ADCY2: variants seen among roughly 807,000 people sequenced by gnomAD.
ADCY2 encodes the protein adenylate cyclase type 2.
In ADCY2, 31 loss-of-function variants were observed where a neutral mutation model predicts 125.2. The ratio of observed to expected loss-of-function variants is 0.25; its 90% CI spans 0.19 to 0.33. The LOEUF (loss-of-function observed/expected upper bound fraction) is 0.33, where lower values mean the gene tolerates loss of function less well. ADCY2 is among the 10% of genes least tolerant of loss of function. The probability of loss-of-function intolerance (pLI) is 1.00; values close to 1 mark genes in which losing one functional copy is unlikely to be tolerated. For missense variants in ADCY2, 904 were observed against 1,418.2 expected (o/e 0.64, Z 5.82); for synonymous variants, 512 against 548.4 (o/e 0.93, Z 0.93).
intron 4 of ADCY2, among the ~76,000 whole-genome samples, chr5:7,626,701 A>G (rs928281827): frequency 1.3e-5 from 2 of 152,024 alleles, no homozygotes; most frequent in African/African-American, 2.4e-5. Flanking sequence ...CTTTTGAACA[A>G]CCAACTCTCA....
intron 4 of ADCY2, among the ~76,000 whole-genome samples, chr5:7,669,050 G>A (rs937453386): frequency 3.9e-5 from 6 of 152,316 alleles, no homozygotes; most frequent in Non-Finnish European, 7.4e-5. Flanking sequence ...GGGCCTGATG[G>A]TGGGAAGCAG....
chr5:7,686,128 G>A (rs1450953422), intron 4 of ADCY2, among the ~76,000 whole-genome samples: 1 of 152,126 alleles, frequency 6.6e-6, no homozygotes, highest in African/African-American at 2.4e-5. Context: ...TTACATGCAT[G>A]GTTTATTGAA....
intron 2 of ADCY2, among the ~76,000 whole-genome samples, chr5:7,418,687 A>G (rs1321525398): frequency 2.0e-5 from 2 of 99,430 alleles, no homozygotes; most frequent in Non-Finnish European, 3.7e-5. Context: ...ACTGAATCTC[A>G]CTCTGTCACC....
chr5:7,813,685 A>G (rs1384277168), intron 22 of ADCY2, among the ~76,000 whole-genome samples: 1 of 152,182 alleles, frequency 6.6e-6, no homozygotes, highest in Non-Finnish European at 1.5e-5. Context: ...GCTAAGCCCA[A>G]ATGACTTACT....
intron 3 of ADCY2, among the ~76,000 whole-genome samples, chr5:7,607,791 C>T (rs1419501144): frequency 6.6e-6 from 1 of 152,208 alleles, no homozygotes; most frequent in Non-Finnish European, 1.5e-5. Context: ...TTGGCTGTAA[C>T]TTGTATATTA....
At chr5:7,515,812 C>T (rs1195135649) in intron 2 of ADCY2, among the ~76,000 whole-genome samples, 1 of 152,048 alleles carries the variant, frequency 6.6e-6, no homozygotes, top group Non-Finnish European at 1.5e-5. Flanking sequence ...GAATCAAGTT[C>T]CTGGTTTTGT....
intron 3 of ADCY2, among the ~76,000 whole-genome samples, chr5:7,570,225 A>G (rs1484430988): frequency 6.6e-6 from 1 of 152,164 alleles, no homozygotes; most frequent in Non-Finnish European, 1.5e-5. Flanking sequence ...AAATGAAAAC[A>G]TAGAAAATCT....
intron 2 of ADCY2, among the ~76,000 whole-genome samples, chr5:7,477,107 A>G (rs1742554523): frequency 6.6e-6 from 1 of 152,098 alleles, no homozygotes. Flanking sequence ...TCTTGTTCTT[A>G]TAGTTATATT....
chr5:7,499,687 ATATATGTG>A (rs1743492742), intron 2 of ADCY2, among the ~76,000 whole-genome samples: 5 of 142,078 alleles, frequency 3.5e-5, no homozygotes, highest in African/African-American at 1.3e-4. Context: ...ATATATGTAT[ATATATGTG>A]TATATATATG....
chr5:7,550,993 G>A (rs1735314337), intron 3 of ADCY2, among the ~76,000 whole-genome samples: 2 of 151,844 alleles, frequency 1.3e-5, no homozygotes, highest in Non-Finnish European at 2.9e-5. Flanking sequence ...CTCACAAGGA[G>A]AGCTAGGCCT....
chr5:7,671,640 G>A lies in ADCY2; in HGVS notation c.721-19051G>A, dbSNP rs944332284. On this transcript the variant is annotated intron_variant, in intron 4 of 24. Coordinates refer to ENST00000338316, the MANE Select transcript of ADCY2 (RefSeq NM_020546.3). ...GTGATGAAAAAAAAATGACATGTGC[G>A]TTCTTCTAAATTAAGTCTTTCTCAC... is the stretch of plus-strand genomic sequence containing the variant. Among the ~76,000 whole-genome samples, 4 of 152,148 alleles carry A rather than the reference G, an allele frequency of 2.6e-5. No homozygotes were observed. In the East Asian group the frequency reaches 5.8e-4, roughly 22 times the overall value.
At chr5:7,774,946 A>G (rs1156612102) in intron 18 of ADCY2, among the ~76,000 whole-genome samples, 1 of 152,214 alleles carries the variant, frequency 6.6e-6, no homozygotes, top group East Asian at 1.9e-4. Context: ...ATCATGGAGA[A>G]TGGGGTATCC....
intron 2 of ADCY2, among the ~76,000 whole-genome samples, chr5:7,478,827 C>G (rs1742612633): frequency 6.6e-6 from 1 of 152,108 alleles, no homozygotes. Flanking sequence ...ACTAATCCTT[C>G]TATATGACCA....
chr5:7,756,455 TA>T (rs902682030), intron 15 of ADCY2, among the ~76,000 whole-genome samples: 8 of 151,832 alleles, frequency 5.3e-5, no homozygotes, highest in African/African-American at 1.7e-4. Flanking sequence ...TATGAATGGA[TA>T]AAAAAAAGTA....
At chr5:7,764,414 G>C in intron 16 of ADCY2, among the ~76,000 whole-genome samples, 1 of 152,210 alleles carries the variant, frequency 6.6e-6, no homozygotes, top group Non-Finnish European at 1.5e-5. Context: ...ATAAATCTGT[G>C]AGCCACCCAG....
chr5:7,819,479 G>A (rs374933804), intron 23 of ADCY2, among the ~76,000 whole-genome samples: 3 of 152,110 alleles, frequency 2.0e-5, no homozygotes, highest in Admixed American at 6.5e-5. Context: ...AGATTCACGC[G>A]AACTGTTGAA....
At chr5:7,689,591 A>C (rs961427456) in intron 4 of ADCY2, among the ~76,000 whole-genome samples, 4 of 152,146 alleles carry the variant, frequency 2.6e-5, no homozygotes, top group Admixed American at 2.0e-4. Context: ...CTCTCTCAGC[A>C]GAAGTTTCCA....
chr5:7,664,015 C>T (rs1739628340), intron 4 of ADCY2, among the ~76,000 whole-genome samples: 3 of 152,194 alleles, frequency 2.0e-5, no homozygotes, highest in African/African-American at 7.2e-5. Context: ...CTAAAGTACC[C>T]TTTCCATTCC....
At chr5:7,442,954 C>G (rs145775996) in intron 2 of ADCY2, among the ~76,000 whole-genome samples, 1 of 152,152 alleles carries the variant, frequency 6.6e-6, no homozygotes, top group East Asian at 1.9e-4. Flanking sequence ...CTATCAGTTA[C>G]AGCCATTATT....
Sources: gnomAD v4.1 joint callset for allele counts (sites outside exome capture counted in the v4.1 genomes callset) on GRCh38, gnomAD v4.1.1 for gene constraint, MANE v1.5 for transcripts, NCBI Gene and HGNC (gene_info 2026-07-23, HGNC 2026-07-21) for gene names.